Variants in ZFP2 observed in about 807,000 individuals in gnomAD.
The protein encoded by ZFP2 is zinc finger protein ZFP2.
Under a neutral mutation model 36.1 loss-of-function variants are expected in ZFP2, and 33 were observed. The observed-to-expected ratio is 0.92, with a 90% CI of 0.69 to 1.22. ZFP2 has a LOEUF of 1.22. ZFP2 is among the 50% of genes most tolerant of loss of function. The probability of loss-of-function intolerance (pLI) is 0.00; values close to 1 mark genes in which losing one functional copy is unlikely to be tolerated. For synonymous variants in ZFP2, 170 were observed against 178.0 expected, an observed-to-expected ratio of 0.96 and a Z score of 0.36; for missense variants, 522 against 551.4, an observed-to-expected ratio of 0.95 and a Z score of 0.53.
chr5:178,910,491 C>A, intron 1 of ZFP2: 1 of 649,320 alleles, frequency 1.5e-6, no homozygotes, highest in South Asian at 1.5e-5. Flanking sequence ...GGTACTTGCT[C>A]CTCACAGTGG....
intron 1 of ZFP2, among the ~76,000 whole-genome samples, chr5:178,900,243 A>G (rs894241508): frequency 6.6e-6 from 1 of 152,252 alleles, no homozygotes; most frequent in Non-Finnish European, 1.5e-5. Flanking sequence ...TGACAAATTT[A>G]TGCACCAACA....
intron 2 of ZFP2, 30 bp from the exon 3 acceptor site, chr5:178,912,952 C>T (rs1758327004): frequency 2.0e-6 from 2 of 983,918 alleles, no homozygotes; most frequent in South Asian, 9.4e-5. Context: ...CAGTTCAGAA[C>T]CCAAATTTAA....
chr5:178,929,166 A>T (rs1211559450), intron 4 of ZFP2, among the ~76,000 whole-genome samples: 1 of 151,046 alleles, frequency 6.6e-6, no homozygotes, highest in Non-Finnish European at 1.5e-5. Flanking sequence ...CCTCTGGTGG[A>T]AGGGGCTGCT....
At chr5:178,927,236 G>A (rs1226445057) in intron 4 of ZFP2, among the ~76,000 whole-genome samples, 1 of 152,092 alleles carries the variant, frequency 6.6e-6, no homozygotes, top group Admixed American at 6.5e-5. Context: ...CATCTTTAAG[G>A]AATGCGTATT....
At chr5:178,910,619 C>A in intron 1 of ZFP2, 1 of 416,572 alleles carries the variant, frequency 2.4e-6, no homozygotes, top group South Asian at 2.0e-5. Context: ...ACTGGTGTCC[C>A]GGCCTCTAGA....
At position 178,933,093 on chromosome 5, in the gene ZFP2, A is replaced by G. The variant is rs769895064; in HGVS notation, c.*394A>G. The G allele has an allele frequency of 9.7e-5, 17 of 174,610 alleles. No individual in the cohort carries two copies. Among genetic ancestry groups the G allele is most frequent in the Non-Finnish European group, 1.8e-4 (13 of 73,138 alleles). 10.8% of individuals were successfully genotyped at this position (174,610 alleles called of 1,614,324 possible). A position where few individuals can be genotyped will look rare whatever the true frequency, so the allele number is the denominator to read the frequency against. On this transcript the variant is annotated 3_prime_UTR_variant, in exon 5 of 5. Coordinates refer to ENST00000361362, the MANE Select transcript of ZFP2 (RefSeq NM_030613.4). ...TGCCACTGCCTTGGACAACTTGCCT[A>G]CTTCCACCAGGTTATGGTTCTTTAT...
chr5:178,910,180 A>C, intron 1 of ZFP2: 1 of 1,543,624 alleles, frequency 6.5e-7, no homozygotes, highest in Non-Finnish European at 8.9e-7. Context: ...CAGCCATCAA[A>C]AATCTTTCTG....
chr5:178,898,598 T>C (rs985778391), intron 1 of ZFP2, among the ~76,000 whole-genome samples: 1 of 152,234 alleles, frequency 6.6e-6, no homozygotes, highest in Non-Finnish European at 1.5e-5. Flanking sequence ...CTTTGGCTTC[T>C]GTCCCTCCCC....
chr5:178,899,393 C>T (rs75769755), intron 1 of ZFP2, among the ~76,000 whole-genome samples: 5,845 of 152,170 alleles, frequency 0.038, 396 homozygotes, highest in African/African-American at 0.13. Flanking sequence ...CCTGGCATGG[C>T]TCCTGGAATG....
intron 1 of ZFP2, among the ~76,000 whole-genome samples, chr5:178,906,026 A>G (rs1758158544): frequency 6.6e-6 from 1 of 152,162 alleles, no homozygotes; most frequent in African/African-American, 2.4e-5. Flanking sequence ...AAGTGCTGGT[A>G]TTACAGGCGT....
At chr5:178,915,454 C>T (rs1293708614) in intron 3 of ZFP2, among the ~76,000 whole-genome samples, 1 of 149,558 alleles carries the variant, frequency 6.7e-6, no homozygotes, top group Non-Finnish European at 1.5e-5. Flanking sequence ...GCTGGGACTA[C>T]AGGTGCACAC....
chr5:178,908,780 A>G (rs1188802250), intron 1 of ZFP2, among the ~76,000 whole-genome samples: 1 of 152,236 alleles, frequency 6.6e-6, no homozygotes, highest in Non-Finnish European at 1.5e-5. Context: ...GAAAGTGCCT[A>G]AAACATGGTA....
intron 3 of ZFP2, among the ~76,000 whole-genome samples, chr5:178,915,025 ATTGTCTG>A (rs1421635819): frequency 1.3e-5 from 2 of 152,162 alleles, no homozygotes; most frequent in Admixed American, 1.3e-4. Context: ...TGAGCCACTC[ATTGTCTG>A]AATGTTCTTC....
chr5:178,923,050 T>C (rs1758593231), intron 4 of ZFP2, among the ~76,000 whole-genome samples: 1 of 149,706 alleles, frequency 6.7e-6, no homozygotes, highest in Admixed American at 6.7e-5. Context: ...TTTTCAAACA[T>C]GAGGATTTCC....
chr5:178,931,564 C>G lies in ZFP2; in HGVS notation c.251C>G (p.Thr84Arg). ...HNCNSHGEDA[T>R]QNSELIKTQR... ...TGTAATTCACATGGAGAAGATGCCACACAAAATTCTGAGTTAATTAAAACT... is the reference window on the plus strand; with the variant it reads ...TGTAATTCACATGGAGAAGATGCCAGACAAAATTCTGAGTTAATTAAAACT... Residue 84 changes from threonine (T) to arginine (R), a missense_variant, in exon 5 of 5, where the codon ACA becomes AGA. Physicochemically the swap from Thr to Arg is moderately conservative, Grantham distance 71 (BLOSUM62 -1). Coordinates refer to ENST00000361362, the MANE Select transcript of ZFP2 (RefSeq NM_030613.4). 6.2e-7 allele frequency: 1 copy of G among 1,614,130 alleles called. No homozygotes were observed. Among genetic ancestry groups the G allele is most frequent in the Non-Finnish European group, 8.5e-7 (1 of 1,180,024 alleles).
At chr5:178,910,854 T>G (rs1758283027) in intron 1 of ZFP2, among the ~76,000 whole-genome samples, 4 of 152,222 alleles carry the variant, frequency 2.6e-5, no homozygotes, top group Admixed American at 2.6e-4. Context: ...TGCCACCGCC[T>G]CCTTCATCTG....
At chr5:178,921,958 A>T (rs1758569786) in intron 4 of ZFP2, 2 of 546,024 alleles carry the variant, frequency 3.7e-6, no homozygotes, top group Non-Finnish European at 6.8e-6. Flanking sequence ...TAACTTCTTA[A>T]GGTGGAAACA....
At chr5:178,910,593 C>T (rs1170957373) in intron 1 of ZFP2, 11 of 456,172 alleles carry the variant, frequency 2.4e-5, no homozygotes, top group Non-Finnish European at 4.2e-5. Context: ...CACTTGGTGA[C>T]ACACTGGCCC....
In ZFP2 at chr5:178,912,687, T is replaced by C; in HGVS notation, c.-346T>C. On this transcript the variant is annotated 5_prime_UTR_variant, in exon 2 of 5. An upstream start codon of the reference 5' UTR is lost. Transcript: ENST00000361362. The stretch of plus-strand genomic sequence containing the variant: ...AGGATGACCGTGTATGGGGAGGTGA[T>C]GCTGGAGAACTACAGGAACCCGGTC... 9.4e-7 allele frequency: 1 copy of C among 1,064,060 alleles called. No individual in the cohort carries two copies. The highest frequency in any genetic ancestry group is 1.2e-6 in the Non-Finnish European group (1 of 863,690). 65.9% of individuals were successfully genotyped at this position (1,064,060 alleles called of 1,614,324 possible).
Sources: gnomAD v4.1 joint callset for allele counts (sites outside exome capture counted in the v4.1 genomes callset) on GRCh38, gnomAD v4.1.1 for gene constraint, MANE v1.5 for transcripts, NCBI Gene and HGNC (gene_info 2026-07-23, HGNC 2026-07-21) for gene names.